Variants in MCCC1 observed in about 807,000 individuals in gnomAD.
MCCC1 encodes methylcrotonoyl-CoA carboxylase subunit alpha, mitochondrial.
A neutral mutation model predicts 83.8 loss-of-function variants in MCCC1; 64 were observed. The observed-to-expected ratio is 0.76, with a 90% confidence interval of 0.62 to 0.94. The LOEUF (loss-of-function observed/expected upper bound fraction) is 0.94, where lower values mean the gene tolerates loss of function less well. Ranked by LOEUF, MCCC1 falls within the 40% of genes least tolerant of loss-of-function variation. The pLI, the probability that MCCC1 is intolerant of heterozygous loss-of-function variation, is 0.00. For missense variants in MCCC1, 807 were observed against 904.7 expected, an observed-to-expected ratio of 0.89 and a Z score of 1.39; for synonymous variants, 322 against 315.4, an observed-to-expected ratio of 1.02 and a Z score of -0.22.
chr3:183,016,541 A>G (rs1232324901), intron 18 of MCCC1, among the ~76,000 whole-genome samples: 2 of 152,190 alleles, frequency 1.3e-5, no homozygotes, highest in Admixed American at 6.5e-5. Flanking sequence ...TTTCAAAAGT[A>G]TTGATCCTTG....
intron 7 of MCCC1, among the ~76,000 whole-genome samples, chr3:183,063,487 G>A (rs1358103016): frequency 6.6e-6 from 1 of 151,940 alleles, no homozygotes; most frequent in Non-Finnish European, 1.5e-5. Flanking sequence ...CAATCTTCTG[G>A]CACTCCATTA....
chr3:183,091,306 G>A (rs1478695510), intron 3 of MCCC1, among the ~76,000 whole-genome samples: 3 of 152,156 alleles, frequency 2.0e-5, no homozygotes, highest in Admixed American at 6.5e-5. Context: ...AGTGGCTCAC[G>A]CCTGTAATCC....
At chr3:183,088,555 A>G (rs937932741) in intron 3 of MCCC1, among the ~76,000 whole-genome samples, 9 of 152,176 alleles carry the variant, frequency 5.9e-5, no homozygotes, top group African/African-American at 1.9e-4. Context: ...CTCATTCTAA[A>G]GAAAGTGAAT....
chr3:183,090,587 T>C (rs914545215), intron 3 of MCCC1, among the ~76,000 whole-genome samples: 4 of 151,848 alleles, frequency 2.6e-5, no homozygotes, highest in Non-Finnish European at 4.4e-5. Flanking sequence ...TTTGGGAAAA[T>C]TCTTTTTTTT....
At chr3:183,095,713 T>C (rs532124201) in intron 1 of MCCC1, among the ~76,000 whole-genome samples, 1 of 152,310 alleles carries the variant, frequency 6.6e-6, no homozygotes, top group South Asian at 2.1e-4. Flanking sequence ...TTCCACCCTT[T>C]AGCGGTGGTA....
intron 3 of MCCC1, among the ~76,000 whole-genome samples, chr3:183,090,044 G>A (rs966074259): frequency 6.6e-6 from 1 of 152,288 alleles, no homozygotes; most frequent in East Asian, 1.9e-4. Flanking sequence ...AAATGATCCA[G>A]AATGAGAGTG....
At chr3:183,089,339 T>C (rs1718144260) in intron 3 of MCCC1, among the ~76,000 whole-genome samples, 1 of 152,196 alleles carries the variant, frequency 6.6e-6, no homozygotes, top group African/African-American at 2.4e-5. Context: ...CTTAGGAGGC[T>C]GCAGCATTTG....
At chr3:183,099,710 T>G (rs975142187), upstream of MCCC1, 2 of 564,796 alleles carry the variant, frequency 3.5e-6, no homozygotes, top group Non-Finnish European at 3.2e-6. Context: ...GGGCCTGCTC[T>G]GACTAAGGCA....
At chr3:183,102,539 T>G (rs563851713), upstream of MCCC1, among the ~76,000 whole-genome samples, 1 of 152,182 alleles carries the variant, frequency 6.6e-6, no homozygotes, top group East Asian at 1.9e-4. Flanking sequence ...AGAGGCTTAA[T>G]AGGTCATTGA....
intron 12 of MCCC1, 118 bp from the exon 13 acceptor site, chr3:183,037,552 A>C (rs1713727784): frequency 2.2e-6 from 2 of 899,588 alleles, no homozygotes; most frequent in Non-Finnish European, 3.6e-6. Flanking sequence ...GAAAAATAAA[A>C]AACCTACTAA....
chr3:183,099,369 G>C lies in MCCC1; in HGVS notation c.72C>G (p.Ser24Arg), dbSNP rs763642722. Residue 24 changes from serine (S) to arginine (R), a missense_variant, in exon 1 of 19, where the codon AGC (serine) becomes AGG (arginine). Physicochemically the swap from Ser to Arg is moderately radical, Grantham distance 110. Coordinates refer to ENST00000265594, the MANE Select transcript of MCCC1 (RefSeq NM_020166.5). ...AERNRWHRLP[S>R]LLLPPRTWVW... ...CCACCCACCTCGGCGGCAGGAGCAG[G>C]CTCGGGAGACGATGCCACCGGTTCC... The C allele has an allele frequency of 3.7e-6, 6 of 1,601,576 alleles. No individual in the cohort carries two copies. In the Admixed American group the frequency reaches 6.8e-5, roughly 18 times the overall value.
At chr3:183,098,411 AT>A (rs1560287705) in intron 1 of MCCC1, 3 of 152,238 alleles carry the variant, frequency 2.0e-5, no homozygotes, top group Non-Finnish European at 2.9e-5. Context: ...GAATTAATTC[AT>A]TTAGTTTTCA....
At position 183,022,363 on chromosome 3, in the gene MCCC1, TC is replaced by T. The variant is rs1577239466; in HGVS notation, c.1869+53del. 6.9e-6 allele frequency: 11 copies of T among 1,595,418 alleles called. No homozygotes were observed. In the East Asian group the frequency reaches 2.5e-4, roughly 36 times the overall value. ...ATCTCTTTCAGTGGAATGTCTCTGG[TC>T]AAACAGTTTTCTCCCATGCCCCAGG... On this transcript the variant is annotated intron_variant, in intron 16 of 18. Transcript: ENST00000265594.
At chr3:183,100,258 T>G (rs1719080383), upstream of MCCC1, among the ~76,000 whole-genome samples, 1 of 152,234 alleles carries the variant, frequency 6.6e-6, no homozygotes, top group Non-Finnish European at 1.5e-5. Flanking sequence ...TAATTTTGCT[T>G]AACTTCAAGT....
rs778069507 is a variant in MCCC1, at chr3:183,094,543, C to CA, written c.136+15dup. ...TCTGAAGCAAAATCAAATAGAACAA[C>CA]AAAGTCTGTCAGTACCTGTGGCTGT... On this transcript the variant is annotated intron_variant, in intron 2 of 18. Coordinates refer to ENST00000265594, the MANE Select transcript of MCCC1 (RefSeq NM_020166.5). The CA allele has an allele frequency of 6.2e-7, 1 of 1,613,918 alleles. No individual in the cohort carries two copies. The highest frequency in any genetic ancestry group is 2.2e-5 in the East Asian group (1 of 44,876).
chr3:183,101,703 G>C (rs570408369), upstream of MCCC1, among the ~76,000 whole-genome samples: 1 of 152,184 alleles, frequency 6.6e-6, no homozygotes, highest in African/African-American at 2.4e-5. Context: ...CAACCTGCTC[G>C]GGTCCCATTC....
chr3:183,112,803 AT>A (rs1370983391), intron 1 of MCCC1, among the ~76,000 whole-genome samples: 2 of 152,084 alleles, frequency 1.3e-5, no homozygotes, highest in Admixed American at 6.6e-5. Context: ...GGCTGGGCGC[AT>A]TGGCTCACAC....
chr3:183,022,545 T>C lies in MCCC1; in HGVS notation c.1741A>G (p.Lys581Glu), dbSNP rs200087746. The change falls in exon 16 of 19, where the codon AAA becomes GAA. Residue 581 changes from lysine (K) to glutamate (E), a missense_variant. By Grantham distance (56) the Lys-to-Glu change is moderately conservative. Transcript: ENST00000265594. Reference protein sequence around the residue: ...DGSYSMQIEDKTFQVLGNLYS... With the variant: ...DGSYSMQIEDETFQVLGNLYS... ...AGATTACCAAGGACTTGGAAAGTTTTATCTTCAATCTGAAAAAAATGAAAA... is the reference window on the plus strand; with the variant it reads ...AGATTACCAAGGACTTGGAAAGTTTCATCTTCAATCTGAAAAAAATGAAAA... 1.9e-6 allele frequency: 3 copies of C among 1,612,470 alleles called. No individual in the cohort carries two copies. Among genetic ancestry groups the C allele is most frequent in the Non-Finnish European group, 2.5e-6 (3 of 1,178,728 alleles).
chr3:183,037,402 T>C lies in MCCC1; in HGVS notation c.1410A>G (p.Leu470=), dbSNP rs2108470855. ...IVGLHTNIDF[L]LNLSGHPEFE... is the part of the protein sequence containing the mutation. ...ACTCTGGGTGGCCAGACAGGTTGAGTAAGAAGTCAATGTTGGTGTGCAGTC... is the reference window on the plus strand; with the variant it reads ...ACTCTGGGTGGCCAGACAGGTTGAGCAAGAAGTCAATGTTGGTGTGCAGTC... Residue 470 remains leucine (L), a synonymous_variant, in exon 13 of 19, where the codon TTA becomes TTG. Coordinates refer to ENST00000265594, the MANE Select transcript of MCCC1 (RefSeq NM_020166.5). The C allele has an allele frequency of 1.2e-6, 2 of 1,614,064 alleles. No homozygotes were observed. The highest frequency in any genetic ancestry group is 1.7e-6 in the Non-Finnish European group (2 of 1,180,006).
Sources: allele counts gnomAD v4.1 joint callset (sites outside exome capture counted in the v4.1 genomes callset), GRCh38; gene constraint gnomAD v4.1.1; transcripts MANE v1.5; gene names NCBI Gene and HGNC (gene_info 2026-07-23, HGNC 2026-07-21).